FYB2: variants seen among roughly 807,000 people sequenced by gnomAD.
FYB2 encodes FYN-binding protein 2.
A neutral mutation model predicts 94.1 loss-of-function variants in FYB2; 103 were observed. The observed-to-expected ratio is 1.09, with a 90% CI of 0.93 to 1.29. The LOEUF is 1.29. FYB2 is among the 50% of genes most tolerant of loss of function. FYB2 has a pLI of 0.00. For synonymous variants in FYB2, 293 were observed against 287.9 expected (o/e 1.02, Z -0.18); for missense variants, 896 against 841.5 (o/e 1.06, Z -0.80).
intron 15 of FYB2, among the ~76,000 whole-genome samples, chr1:56,732,132 G>T (rs1004579963): frequency 6.6e-5 from 10 of 152,200 alleles, no homozygotes; most frequent in African/African-American, 2.4e-4. Flanking sequence ...ATTCAGTAAA[G>T]TTTTAGGATA....
chr1:56,737,828 T>C (rs1935562), intron 14 of FYB2, among the ~76,000 whole-genome samples: 36,908 of 151,954 alleles, frequency 0.24, 5,451 homozygotes, highest in African/African-American at 0.41. Context: ...TGGGTGGGGA[T>C]ACAATGCATG....
At chr1:56,800,789 C>T (rs1557663056) in intron 1 of FYB2, among the ~76,000 whole-genome samples, 1 of 152,164 alleles carries the variant, frequency 6.6e-6, no homozygotes, top group Non-Finnish European at 1.5e-5. Flanking sequence ...TCAGCCATGA[C>T]ACTGCCTACT....
rs770669552 is a variant in FYB2 at position 56,740,808 on chromosome 1, A to C, written c.1605-13T>G. 1.1e-5 allele frequency: 17 copies of C among 1,543,828 alleles called. No individual in the cohort carries two copies. Among genetic ancestry groups the C allele is most frequent in the Non-Finnish European group, 6.2e-6 (7 of 1,124,834 alleles). ...TTTTCCATCTAAACTGAGAGGAATC[A>C]CAGGATATAAGTAACATGGCATTTA... is the stretch of plus-strand genomic sequence containing the variant. On this transcript the variant is annotated splice_polypyrimidine_tract_variant and intron_variant, in intron 12 of 19. Coordinates refer to ENST00000343433, the MANE Select transcript of FYB2 (RefSeq NM_001004303.5).
In FYB2 at chr1:56,740,782, C is replaced by T. The variant is rs749801475; in HGVS notation, c.1618G>A (p.Glu540Lys). The T allele has an allele frequency of 1.2e-6, 2 of 1,602,128 alleles. No homozygotes were observed. Among genetic ancestry groups the T allele is most frequent in the Non-Finnish European group, 1.7e-6 (2 of 1,172,410 alleles). The change falls in exon 13 of 20, where the codon GAA becomes AAA. Residue 540 changes from glutamate (E) to lysine (K), a missense_variant. Physicochemically the swap from Glu to Lys is moderately conservative, Grantham distance 56. Coordinates refer to ENST00000343433, the MANE Select transcript of FYB2 (RefSeq NM_001004303.5). ...NYPKIDLDGK[E>K]ALKRLQQFFK... is the part of the protein sequence containing the mutation. ...AATTGCTGCAGTCTTTTGAGTGCTT[C>T]TTTTCCATCTAAACTGAGAGGAATC...
At chr1:56,754,043 T>C in intron 7 of FYB2, 108 bp from the exon 8 acceptor site, 2 of 688,938 alleles carry the variant, frequency 2.9e-6, no homozygotes, top group Non-Finnish European at 5.0e-6. Flanking sequence ...TTTGAACAAA[T>C]ATGAATCATT....
chr1:56,787,807 T>C (rs1005959036), intron 3 of FYB2, among the ~76,000 whole-genome samples: 1 of 152,236 alleles, frequency 6.6e-6, no homozygotes, highest in African/African-American at 2.4e-5. Context: ...CTTAGTACTT[T>C]GTTCTATGTT....
intron 15 of FYB2, among the ~76,000 whole-genome samples, chr1:56,732,944 C>G (rs1225478752): frequency 6.6e-6 from 1 of 151,980 alleles, no homozygotes; most frequent in Non-Finnish European, 1.5e-5. Flanking sequence ...ATGACTAAGA[C>G]CTCAGTAGCA....
At chr1:56,730,543 T>C (rs1644685708) in intron 15 of FYB2, among the ~76,000 whole-genome samples, 1 of 151,692 alleles carries the variant, frequency 6.6e-6, no homozygotes, top group South Asian at 2.1e-4. Context: ...CTGGAGGAAA[T>C]AGCTAAATTC....
intron 7 of FYB2, among the ~76,000 whole-genome samples, chr1:56,754,842 T>C (rs567672601): frequency 7.2e-4 from 109 of 152,168 alleles, no homozygotes; most frequent in African/African-American, 2.5e-3. Context: ...TCAATAAATG[T>C]TGAACTAAAT....
At chr1:56,739,132 T>A (rs1644894444) in intron 13 of FYB2, among the ~76,000 whole-genome samples, 1 of 152,008 alleles carries the variant, frequency 6.6e-6, no homozygotes, top group Non-Finnish European at 1.5e-5. Context: ...CCATGAAGTA[T>A]TTACTTGCCA....
intron 15 of FYB2, among the ~76,000 whole-genome samples, chr1:56,735,834 T>C (rs1396532580): frequency 3.9e-5 from 6 of 152,168 alleles, no homozygotes; most frequent in Admixed American, 3.9e-4. Flanking sequence ...TTCTTTCCTT[T>C]ATTAATTACC....
At chr1:56,811,488 A>T (rs1646765512) in intron 1 of FYB2, among the ~76,000 whole-genome samples, 1 of 152,142 alleles carries the variant, frequency 6.6e-6, no homozygotes, top group South Asian at 2.1e-4. Context: ...AATTCCAGAG[A>T]TTACCTCCAG....
At chr1:56,820,179 C>T (rs1014769033), upstream of FYB2, among the ~76,000 whole-genome samples, 6 of 148,142 alleles carry the variant, frequency 4.1e-5, no homozygotes, top group East Asian at 7.9e-4. Flanking sequence ...TGCAGTGAGC[C>T]GAGATCATGC....
At chr1:56,750,955 A>G (rs1365853809) in intron 9 of FYB2, 89 bp downstream of exon 9, 2 of 1,443,818 alleles carry the variant, frequency 1.4e-6, no homozygotes, top group Non-Finnish European at 1.9e-6. Context: ...TGTTCAATAA[A>G]TATTGGTAAA....
intron 1 of FYB2, among the ~76,000 whole-genome samples, chr1:56,815,424 C>T (rs914236208): frequency 6.6e-6 from 1 of 152,124 alleles, no homozygotes; most frequent in African/African-American, 2.4e-5. Flanking sequence ...TTGTCTGTTT[C>T]CTTGACACTC....
In FYB2 at chr1:56,767,929, A is replaced by G; in HGVS notation, c.963T>C (p.Asn321=). ...AATTATGTGGTTCTTCAAATTCTGC[A>G]TTGAAAAGCCTGGAGAAAAAAGGGT... ...EGSLSPERLF[N]AEFEEPHNYE... The change falls in exon 5 of 20, where the codon AAT becomes AAC. Residue 321 remains asparagine (N), a synonymous_variant. Coordinates refer to ENST00000343433, the MANE Select transcript of FYB2 (RefSeq NM_001004303.5). 1.3e-6 allele frequency: 2 copies of G among 1,598,938 alleles called. No individual in the cohort carries two copies. The highest frequency in any genetic ancestry group is 8.5e-7 in the Non-Finnish European group (1 of 1,173,958).
chr1:56,755,415 T>C (rs1019136000), intron 7 of FYB2, among the ~76,000 whole-genome samples: 2 of 152,108 alleles, frequency 1.3e-5, no homozygotes, highest in African/African-American at 4.8e-5. Context: ...TGAGGGGTGC[T>C]TGATGGATTA....
At chr1:56,732,037 G>A (rs1411248946) in intron 15 of FYB2, 1 of 152,108 alleles carries the variant, frequency 6.6e-6, no homozygotes, top group Non-Finnish European at 1.5e-5. Flanking sequence ...AAAGGAGGAA[G>A]TAAAATTGCC....
At chr1:56,753,982 T>A in intron 7 of FYB2, 47 bp from the exon 8 acceptor site, 1 of 1,171,696 alleles carries the variant, frequency 8.5e-7, no homozygotes, top group Non-Finnish European at 1.3e-6. Context: ...TTAGAGTGTT[T>A]AAATGATAGT....
Sources: allele counts gnomAD v4.1 joint callset (sites outside exome capture counted in the v4.1 genomes callset), GRCh38; gene constraint gnomAD v4.1.1; transcripts MANE v1.5; gene names NCBI Gene and HGNC (gene_info 2026-07-23, HGNC 2026-07-21).